The following PPARGC1B variants were observed in gnomAD, a reference collection of about 807,000 sequenced individuals.
The protein encoded by PPARGC1B is PPARG coactivator 1 beta.
A neutral mutation model predicts 101.6 loss-of-function variants in PPARGC1B; 34 were observed. The observed-to-expected ratio is 0.33, with a 90% CI of 0.25 to 0.45. The LOEUF is 0.45. PPARGC1B is among the 20% of genes least tolerant of loss of function. PPARGC1B has a pLI of 1.00. For missense variants in PPARGC1B, 1,234 were observed against 1,317.6 expected (o/e 0.94, Z 0.98); for synonymous variants, 548 against 539.3 (o/e 1.02, Z -0.22).
intron 1 of PPARGC1B, among the ~76,000 whole-genome samples, chr5:149,792,682 G>T (rs1237134743): frequency 6.6e-6 from 1 of 152,160 alleles, no homozygotes; most frequent in Non-Finnish European, 1.5e-5. Context: ...GACGCTTAAA[G>T]AATGTGCTGA....
At chr5:149,734,188 GAC>G (rs1754603580) in intron 1 of PPARGC1B, among the ~76,000 whole-genome samples, 1 of 149,166 alleles carries the variant, frequency 6.7e-6, no homozygotes. Flanking sequence ...TGGGCGTGGT[GAC>G]ACACACCTGT....
chr5:149,830,736 C>G (rs754975640), intron 3 of PPARGC1B, 31 bp from the exon 4 acceptor site: 3 of 1,553,270 alleles, frequency 1.9e-6, no homozygotes, highest in Non-Finnish European at 2.7e-6. Flanking sequence ...TGGCTCAGCC[C>G]CGGCTCCTGT....
chr5:149,742,095 A>G (rs898335257), intron 1 of PPARGC1B, among the ~76,000 whole-genome samples: 1 of 152,138 alleles, frequency 6.6e-6, no homozygotes, highest in African/African-American at 2.4e-5. Context: ...CCTGTGCCAC[A>G]TCCTTCACAT....
intron 1 of PPARGC1B, among the ~76,000 whole-genome samples, chr5:149,778,145 A>AAC (rs60606878): frequency 0.22 from 21,658 of 100,504 alleles, 3,217 homozygotes; most frequent in Middle Eastern, 0.4. Context: ...ATGGAGCAGC[A>AAC]ACACACACAC....
At chr5:149,749,059 CA>C (rs1755193371) in intron 1 of PPARGC1B, among the ~76,000 whole-genome samples, 1 of 151,942 alleles carries the variant, frequency 6.6e-6, no homozygotes, top group South Asian at 2.1e-4. Flanking sequence ...AGGATTGACA[CA>C]AAGGCTGGGG....
Position 149,848,681 on chromosome 5 carries a change from CT to C in PPARGC1B, c.*1124del, listed in dbSNP as rs1461140707. On this transcript the variant is annotated 3_prime_UTR_variant, in exon 12 of 12. Transcript: ENST00000309241. The stretch of plus-strand genomic sequence containing the variant: ...GAGTGGTCCTGCGGTTTGTCTGTGC[CT>C]GTGGACACACTGTCAGAACTTCAGT... The C allele has an allele frequency of 1.3e-5, 2 of 152,208 alleles. No individual in the cohort carries two copies. The highest frequency in any genetic ancestry group is 2.9e-5 in the Non-Finnish European group (2 of 68,072). 9.4% of individuals were successfully genotyped at this position (152,208 alleles called of 1,614,324 possible). A position where few individuals can be genotyped will look rare whatever the true frequency, so the allele number is the denominator to read the frequency against.
rs1759893147 is a variant in PPARGC1B at position 149,854,583 on chromosome 5, A to G, written c.*7025A>G. 1 of 152,068 alleles carries G rather than the reference A, an allele frequency of 6.6e-6. No homozygotes were observed. The highest frequency in any genetic ancestry group is 2.4e-5 in the African/African-American group (1 of 41,394). The allele number at this position is 152,068 out of a possible 1,614,324, so 9.4% of individuals were successfully genotyped here. ...TTTTTTTAATTGGTAGAGGATTTTT[A>G]TATATTTTTTCCATTTTGTTGGGTT... On this transcript the variant is annotated 3_prime_UTR_variant, in exon 12 of 12. Coordinates refer to ENST00000309241, the MANE Select transcript of PPARGC1B (RefSeq NM_133263.4).
At chr5:149,759,090 CT>C (rs2113147081) in intron 1 of PPARGC1B, among the ~76,000 whole-genome samples, 1 of 152,114 alleles carries the variant, frequency 6.6e-6, no homozygotes, top group African/African-American at 2.4e-5. Context: ...TTTATTTTTC[CT>C]TTAAAAAAGT....
intron 10 of PPARGC1B, among the ~76,000 whole-genome samples, chr5:149,843,979 G>A (rs537533183): frequency 3.8e-4 from 58 of 152,330 alleles, no homozygotes; most frequent in African/African-American, 1.3e-3. Flanking sequence ...TGGTTGCCAG[G>A]GGCTGCAGAG....
rs772475397 is a variant in PPARGC1B at position 149,842,260 on chromosome 5, A to G, written c.2699A>G (p.Glu900Gly). 2 of 1,612,524 alleles carry G rather than the reference A, an allele frequency of 1.2e-6. No individual in the cohort carries two copies. Among genetic ancestry groups the G allele is most frequent in the East Asian group, 4.5e-5 (2 of 44,840 alleles). The change falls in exon 10 of 12, where the codon GAA becomes GGA. Residue 900 changes from glutamate (E) to glycine (G), a missense_variant. By Grantham distance (98) the Glu-to-Gly change is moderately conservative. Around this residue, in one of 3 missense-constraint regions of PPARGC1B, gnomAD observed 497 missense variants for 529.5 expected, o/e 0.94. Coordinates refer to ENST00000309241, the MANE Select transcript of PPARGC1B (RefSeq NM_133263.4). ...TCTGTCCTCCTTCTTGGGCAGGGGGAAGGCCGCGTGGTGTACATTCAAAAT... is the reference window on the plus strand; with the variant it reads ...TCTGTCCTCCTTCTTGGGCAGGGGGGAGGCCGCGTGGTGTACATTCAAAAT... ...ARKRREKAIG[E>G]GRVVYIQNLS...
intron 10 of PPARGC1B, among the ~76,000 whole-genome samples, chr5:149,843,498 C>T (rs1018522219): frequency 1.1e-4 from 17 of 152,142 alleles, no homozygotes; most frequent in Admixed American, 6.5e-4. Context: ...AAAATAAATA[C>T]TGGCAAGGAT....
At chr5:149,767,736 CCT>C (rs1327055294) in intron 1 of PPARGC1B, among the ~76,000 whole-genome samples, 1 of 151,972 alleles carries the variant, frequency 6.6e-6, no homozygotes, top group East Asian at 1.9e-4. Context: ...GGACTCCACT[CCT>C]CTGGAACTCT....
At chr5:149,731,736 T>G (rs1754480335) in intron 1 of PPARGC1B, among the ~76,000 whole-genome samples, 1 of 152,210 alleles carries the variant, frequency 6.6e-6, no homozygotes, top group South Asian at 2.1e-4. Context: ...GCTTGCAAGC[T>G]GACTCCTTGC....
At chr5:149,769,460 AT>A (rs2113180865) in intron 1 of PPARGC1B, among the ~76,000 whole-genome samples, 1 of 152,300 alleles carries the variant, frequency 6.6e-6, no homozygotes, top group Non-Finnish European at 1.5e-5. Context: ...GTTCCCACTG[AT>A]TCGGGGAGCT....
intron 1 of PPARGC1B, among the ~76,000 whole-genome samples, chr5:149,815,041 G>T (rs370811149): frequency 7.2e-5 from 11 of 152,250 alleles, no homozygotes; most frequent in African/African-American, 2.7e-4. Context: ...CTGCAGATGG[G>T]AATGAATGGT....
intron 1 of PPARGC1B, among the ~76,000 whole-genome samples, chr5:149,747,139 C>T (rs1755121510): frequency 6.6e-6 from 1 of 152,116 alleles, no homozygotes; most frequent in South Asian, 2.1e-4. Flanking sequence ...GTTGCCTCTG[C>T]TTTTGGTGTC....
intron 3 of PPARGC1B, among the ~76,000 whole-genome samples, chr5:149,828,768 C>T (rs148891241): frequency 1.8e-4 from 28 of 152,314 alleles, no homozygotes; most frequent in African/African-American, 6.0e-4. Context: ...CCTGAGGGAC[C>T]GGGCACAGTG....
chr5:149,769,711 G>A (rs754936608), intron 1 of PPARGC1B, among the ~76,000 whole-genome samples: 3 of 152,178 alleles, frequency 2.0e-5, no homozygotes, highest in Non-Finnish European at 2.9e-5. Flanking sequence ...CTGAAGTGAG[G>A]GTGTGGCAGG....
Position 149,847,271 on chromosome 5 carries a change from A to G in PPARGC1B, c.2972-187A>G, listed in dbSNP as rs1165660238. On this transcript the variant is annotated intron_variant, in intron 11 of 11. Coordinates refer to ENST00000309241, the MANE Select transcript of PPARGC1B (RefSeq NM_133263.4). ...GCCAAGGCCCTGAGACACTGATACC[A>G]TGGCCAAGATGTCCCAGCAGGATGG... 4 of 725,508 alleles carry G rather than the reference A, an allele frequency of 5.5e-6. No individual in the cohort carries two copies. The East Asian group carries it at 7.9e-5, about 14-fold the overall frequency. The allele number at this position is 725,508 out of a possible 1,614,324, so 44.9% of individuals were successfully genotyped here. A position where few individuals can be genotyped will look rare whatever the true frequency, so the allele number is the denominator to read the frequency against.
Sources: allele counts gnomAD v4.1 joint callset (sites outside exome capture counted in the v4.1 genomes callset), GRCh38; gene constraint gnomAD v4.1.1; regional missense constraint gnomAD v4.1.1; transcripts MANE v1.5; gene names NCBI Gene and HGNC (gene_info 2026-07-23, HGNC 2026-07-21).